The following PCLO variants were observed in gnomAD, a reference collection of about 807,000 sequenced individuals.
The protein encoded by PCLO is piccolo presynaptic cytomatrix protein.
Under a neutral mutation model 427.5 loss-of-function variants are expected in PCLO, and 82 were observed. The ratio of observed to expected loss-of-function variants is 0.19; its 90% confidence interval spans 0.16 to 0.23. PCLO has a LOEUF of 0.23. PCLO is among the 10% of genes least tolerant of loss of function. PCLO has a pLI of 1.00. For synonymous variants in PCLO, 2,357 were observed against 2,155.4 expected, an observed-to-expected ratio of 1.09 and a Z score of -2.59; for missense variants, 6,239 against 6,115.9, an observed-to-expected ratio of 1.02 and a Z score of -0.67.
chr7:82,859,585 A>G (rs1168065335), intron 10 of PCLO, among the ~76,000 whole-genome samples: 4 of 152,210 alleles, frequency 2.6e-5, no homozygotes, highest in African/African-American at 4.8e-5. Flanking sequence ...AGCTTAGACC[A>G]TAACACCAAG....
intron 3 of PCLO, among the ~76,000 whole-genome samples, chr7:83,117,327 C>G (rs1401277604): frequency 6.6e-6 from 1 of 152,214 alleles, no homozygotes; most frequent in Non-Finnish European, 1.5e-5. Flanking sequence ...CCTTAGTTAA[C>G]TGGCTGAAAT....
In PCLO at chr7:82,832,846, T is replaced by G. The variant is rs542807104; in HGVS notation, c.14249+2821A>C. On this transcript the variant is annotated intron_variant, in intron 16 of 24. Coordinates refer to ENST00000333891, the MANE Select transcript of PCLO (RefSeq NM_033026.6). ...ACACACACACACACACACACACACG[T>G]TTTTCAAAATTACTCCTCTGAGGTT... is the stretch of plus-strand genomic sequence containing the variant. 3.1e-5 allele frequency among the ~76,000 whole-genome samples: 4 copies of G among 127,188 alleles called. No individual in the cohort carries two copies. The South Asian group carries it at 1.0e-3, about 32-fold the overall frequency. 83.4% of individuals were successfully genotyped at this position (127,188 alleles called of 152,430 possible). A position where few individuals can be genotyped will look rare whatever the true frequency, so the allele number is the denominator to read the frequency against.
At chr7:82,763,619 A>G (rs1790474536) in intron 22 of PCLO, among the ~76,000 whole-genome samples, 1 of 152,072 alleles carries the variant, frequency 6.6e-6, no homozygotes, top group East Asian at 1.9e-4. Context: ...TTAGCTTAAA[A>G]TTTGTAAGTC....
chr7:83,046,629 T>C (rs1789109163), intron 3 of PCLO, among the ~76,000 whole-genome samples: 1 of 152,170 alleles, frequency 6.6e-6, no homozygotes, highest in Admixed American at 6.6e-5. Context: ...TCACAGAATA[T>C]GAATACATAC....
At chr7:82,785,114 C>G (rs1364195748) in intron 22 of PCLO, among the ~76,000 whole-genome samples, 1 of 152,106 alleles carries the variant, frequency 6.6e-6, no homozygotes, top group Non-Finnish European at 1.5e-5. Flanking sequence ...TATTCCAGGA[C>G]AGTGGTCCTC....
chr7:82,925,565 G>T (rs2116316650), intron 6 of PCLO, among the ~76,000 whole-genome samples: 1 of 152,136 alleles, frequency 6.6e-6, no homozygotes, highest in African/African-American at 2.4e-5. Context: ...ATATTCAGCA[G>T]TCTATCTTAC....
At chr7:83,073,322 T>C (rs909469270) in intron 3 of PCLO, among the ~76,000 whole-genome samples, 2 of 152,030 alleles carry the variant, frequency 1.3e-5, no homozygotes, top group African/African-American at 4.8e-5. Context: ...GGAGCAAATA[T>C]TTTCCTAGCT....
Position 82,921,191 on chromosome 7 carries a change from CCAA to C in PCLO, c.11113-4321_11113-4319del, listed in dbSNP as rs1291257816. 4.0e-5 allele frequency among the ~76,000 whole-genome samples: 6 copies of C among 151,724 alleles called. No homozygotes were observed. In the East Asian group the frequency reaches 1.2e-3, roughly 29 times the overall value. ...ATTCAATGGTATTTCTATCAAACTA[CCAA>C]CAACATTTTTCACAGAATTATAAAA... On this transcript the variant is annotated intron_variant, in intron 6 of 24. Coordinates refer to ENST00000333891, the MANE Select transcript of PCLO (RefSeq NM_033026.6).
chr7:82,810,130 G>T (rs576793068), intron 20 of PCLO, among the ~76,000 whole-genome samples: 20 of 141,158 alleles, frequency 1.4e-4, no homozygotes, highest in African/African-American at 3.8e-4. Flanking sequence ...TTATATTTAA[G>T]TGTAATATAT....
At chr7:82,978,965 A>G (rs1472887629) in intron 3 of PCLO, among the ~76,000 whole-genome samples, 1 of 152,064 alleles carries the variant, frequency 6.6e-6, no homozygotes, top group East Asian at 1.9e-4. Context: ...GAGAATGAAA[A>G]CAATGTATAA....
intron 2 of PCLO, among the ~76,000 whole-genome samples, chr7:83,145,983 A>G (rs1048273813): frequency 2.0e-5 from 3 of 152,192 alleles, no homozygotes; most frequent in African/African-American, 7.2e-5. Flanking sequence ...ACTTTATAAT[A>G]TGAACTCTGA....
At chr7:83,054,127 G>A (rs1789320018) in intron 3 of PCLO, among the ~76,000 whole-genome samples, 1 of 151,992 alleles carries the variant, frequency 6.6e-6, no homozygotes, top group Non-Finnish European at 1.5e-5. Context: ...TAGTTTACAT[G>A]ATTCAGAAAG....
At chr7:82,891,700 G>A (rs978652626) in intron 9 of PCLO, among the ~76,000 whole-genome samples, 6 of 151,998 alleles carry the variant, frequency 3.9e-5, no homozygotes, top group African/African-American at 1.4e-4. Flanking sequence ...ATTATTTTGA[G>A]ATACGTCCCA....
chr7:83,024,310 C>T (rs966378255), intron 3 of PCLO, among the ~76,000 whole-genome samples: 1 of 152,156 alleles, frequency 6.6e-6, no homozygotes, highest in African/African-American at 2.4e-5. Context: ...AAGGGGTCAC[C>T]GAGTTCCCTT....
rs1020957811 is a variant in PCLO, at chr7:82,754,475, C to T, written c.*4100G>A. 1.3e-5 allele frequency: 2 copies of T among 152,054 alleles called. No individual in the cohort carries two copies. Among genetic ancestry groups the T allele is most frequent in the African/African-American group, 4.8e-5 (2 of 41,410 alleles). The allele number at this position is 152,054 out of a possible 1,614,324, so 9.4% of individuals were successfully genotyped here. ...TTAATCAGTAGTGGGAGCACCTGAG[C>T]ACGTCACCAAACAAATATACAGACA... is the stretch of plus-strand genomic sequence containing the variant. On this transcript the variant is annotated 3_prime_UTR_variant, in exon 25 of 25. Transcript: ENST00000333891.
In PCLO at chr7:82,838,246, C is replaced by T; in HGVS notation, c.14194G>A (p.Val4732Met). The change falls in exon 15 of 25, where the codon GTG (valine) becomes ATG (methionine). Residue 4732 changes from valine to methionine, a missense_variant. Around this residue, in one of 5 missense-constraint regions of PCLO, gnomAD observed 877 missense variants for 925.5 expected, o/e 0.95. Coordinates refer to ENST00000333891, the MANE Select transcript of PCLO (RefSeq NM_033026.6). ...CTCCCTGGAAGAAGGTACACTTTCA[C>T]AAAAGGGTCAGAATAACCATTGTTG... ...RDNNGYSDPFVKVYLLPGRGQ... is the reference protein window; with the variant it reads ...RDNNGYSDPFMKVYLLPGRGQ... 1 of 1,599,900 alleles carries T rather than the reference C, an allele frequency of 6.3e-7. No individual in the cohort carries two copies. Among genetic ancestry groups the T allele is most frequent in the Non-Finnish European group, 8.5e-7 (1 of 1,170,808 alleles).
chr7:83,030,840 T>TA (rs1313952066), intron 3 of PCLO, among the ~76,000 whole-genome samples: 2 of 152,204 alleles, frequency 1.3e-5, no homozygotes, highest in African/African-American at 4.8e-5. Flanking sequence ...GCTGGGTTTA[T>TA]AGAGACTGAG....
intron 3 of PCLO, among the ~76,000 whole-genome samples, chr7:83,050,964 A>G (rs999960792): frequency 2.6e-5 from 4 of 152,070 alleles, no homozygotes; most frequent in Admixed American, 2.6e-4. Flanking sequence ...ATAAATTAGA[A>G]AAATAATATG....
chr7:82,924,958 TC>T (rs766107033), intron 6 of PCLO, among the ~76,000 whole-genome samples: 3 of 152,154 alleles, frequency 2.0e-5, no homozygotes, highest in Non-Finnish European at 4.4e-5. Flanking sequence ...GTCTCCTCCC[TC>T]TAACTGTACA....
Sources: gnomAD v4.1 joint callset for allele counts (sites outside exome capture counted in the v4.1 genomes callset) on GRCh38, gnomAD v4.1.1 for gene constraint, gnomAD v4.1.1 regional missense constraint, MANE v1.5 for transcripts, NCBI Gene and HGNC (gene_info 2026-07-23, HGNC 2026-07-21) for gene names.